Variants in PITPNA observed in about 807,000 individuals in gnomAD.
PITPNA encodes the protein phosphatidylinositol transfer protein alpha.
In PITPNA, 13 loss-of-function variants were observed where a neutral mutation model predicts 50.3. The ratio of observed to expected loss-of-function variants is 0.26; its 90% CI spans 0.17 to 0.41. PITPNA has a LOEUF of 0.41. Ranked by LOEUF, PITPNA falls within the 10% of genes least tolerant of loss-of-function variation. The pLI is 1.00. For missense variants in PITPNA, 207 were observed against 333.4 expected, an observed-to-expected ratio of 0.62 and a Z score of 2.95; for synonymous variants, 120 against 119.6, an observed-to-expected ratio of 1.00 and a Z score of -0.02.
chr17:1,553,226 G>C, intron 2 of PITPNA, 77 bp from the exon 3 acceptor site: 3 of 1,494,178 alleles, frequency 2.0e-6, no homozygotes, highest in Non-Finnish European at 2.8e-6. Flanking sequence ...GCCAGTAAGT[G>C]TCTAACTGGA....
At chr17:1,529,117 G>A (rs1325997456) in intron 10 of PITPNA, among the ~76,000 whole-genome samples, 6 of 132,878 alleles carry the variant, frequency 4.5e-5, no homozygotes, top group African/African-American at 1.7e-4. Context: ...CAGCCTGGGC[G>A]ACAGAGCAAG....
chr17:1,543,155 C>T (rs751599134), intron 4 of PITPNA, 128 bp from the exon 5 acceptor site: 19 of 660,142 alleles, frequency 2.9e-5, no homozygotes, highest in East Asian at 2.4e-4. Context: ...GCTTATTCCA[C>T]GGTCACCTCC....
intron 4 of PITPNA, among the ~76,000 whole-genome samples, chr17:1,547,248 C>A (rs1040607515): frequency 6.6e-6 from 1 of 150,618 alleles, no homozygotes; most frequent in Non-Finnish European, 1.5e-5. Context: ...TGCCTATAGT[C>A]CCAGGTATTT....
chr17:1,529,309 G>A (rs935706703), intron 10 of PITPNA, among the ~76,000 whole-genome samples: 73 of 151,952 alleles, frequency 4.8e-4, no homozygotes, highest in African/African-American at 1.7e-3. Flanking sequence ...CATTGCCTGA[G>A]CTCAGGAGTT....
At chr17:1,532,858 G>C (rs542227413) in intron 10 of PITPNA, among the ~76,000 whole-genome samples, 1 of 152,332 alleles carries the variant, frequency 6.6e-6, no homozygotes, top group South Asian at 2.1e-4. Context: ...CAAAACATCT[G>C]TCTTCAAGAG....
chr17:1,535,643 T>C (rs745364288), intron 7 of PITPNA, 125 bp from the exon 8 acceptor site: 37 of 701,612 alleles, frequency 5.3e-5, no homozygotes, highest in Admixed American at 1.0e-4. Flanking sequence ...AAAGCAAATA[T>C]GGGAAAATGT....
intron 4 of PITPNA, among the ~76,000 whole-genome samples, chr17:1,544,063 G>A (rs1018068818): frequency 6.6e-6 from 1 of 152,202 alleles, no homozygotes; most frequent in Non-Finnish European, 1.5e-5. Flanking sequence ...GGATGGCCTG[G>A]TCTGATGACA....
intron 10 of PITPNA, among the ~76,000 whole-genome samples, chr17:1,532,510 G>A (rs1047716509): frequency 2.0e-5 from 3 of 152,182 alleles, no homozygotes; most frequent in Non-Finnish European, 2.9e-5. Flanking sequence ...CTAGCTCCAA[G>A]AATTTGAGTT....
At chr17:1,523,505 C>CTTTTT (rs11401118) in intron 10 of PITPNA, among the ~76,000 whole-genome samples, 5 of 117,394 alleles carry the variant, frequency 4.3e-5, no homozygotes, top group African/African-American at 9.7e-5. Context: ...CCACGCCTGG[C>CTTTTT]TTTTTTTTTT....
At chr17:1,522,363 G>A (rs2075520165) in intron 10 of PITPNA, among the ~76,000 whole-genome samples, 1 of 150,870 alleles carries the variant, frequency 6.6e-6, no homozygotes, top group Non-Finnish European at 1.5e-5. Context: ...GAGCCACCGC[G>A]CCTGGCCGAA....
intron 6 of PITPNA, among the ~76,000 whole-genome samples, chr17:1,540,783 C>T (rs564280749): frequency 1.9e-4 from 29 of 152,312 alleles, no homozygotes; most frequent in African/African-American, 7.0e-4. Context: ...GACAGGGTTT[C>T]ACCGTGTTAG....
intron 5 of PITPNA, 185 bp from the exon 6 acceptor site, chr17:1,541,825 C>A (rs1339880639): frequency 4.3e-6 from 3 of 691,024 alleles, no homozygotes; most frequent in Non-Finnish European, 8.1e-6. Context: ...CCCATTCAAT[C>A]CTCACCCCAG....
At chr17:1,533,823 C>T (rs1274661951) in intron 10 of PITPNA, among the ~76,000 whole-genome samples, 1 of 152,132 alleles carries the variant, frequency 6.6e-6, no homozygotes, top group Non-Finnish European at 1.5e-5. Flanking sequence ...TCTGAAGCAT[C>T]GCTGTAGCAG....
Position 1,534,224 on chromosome 17 carries a change from A to G in PITPNA, c.646-3T>C, listed in dbSNP as rs982932949. On this transcript the variant is annotated splice_region_variant and splice_polypyrimidine_tract_variant and intron_variant, in intron 9 of 11. Coordinates refer to ENST00000313486, the MANE Select transcript of PITPNA (RefSeq NM_006224.4). ...TTTGTAAACAGACGCCTCTCTTGCT[A>G]TAGAAAGGAGGGAACCACGTTAGAA... The G allele has an allele frequency of 6.2e-7, 1 of 1,613,648 alleles. No homozygotes were observed. The highest frequency in any genetic ancestry group is 8.5e-7 in the Non-Finnish European group (1 of 1,179,708).
chr17:1,560,412 C>G (rs2075762210), intron 1 of PITPNA, among the ~76,000 whole-genome samples: 1 of 152,222 alleles, frequency 6.6e-6, no homozygotes, highest in African/African-American at 2.4e-5. Context: ...TGCTCCTCCC[C>G]CGTCCCCCGC....
At position 1,558,505 on chromosome 17, in the gene PITPNA, G is replaced by A. The variant is rs762453321; in HGVS notation, c.51+24C>T. ...GTCACAAACAGTTACACACAACTAT[G>A]GACCAGAAAGTAAAAGGACTTACCT... is the stretch of plus-strand genomic sequence containing the variant. On this transcript the variant is annotated intron_variant, in intron 2 of 11. Transcript: ENST00000313486. 18 of 1,532,968 alleles carry A rather than the reference G, an allele frequency of 1.2e-5. 1 individual carries two copies. In the South Asian group the frequency reaches 2.0e-4, roughly 17 times the overall value. The allele number at this position is 1,532,968 out of a possible 1,614,324, so 95.0% of individuals were successfully genotyped here.
In PITPNA at chr17:1,521,316, C is replaced by T. The variant is rs915057311; in HGVS notation, c.*22+263G>A. Among the ~76,000 whole-genome samples, 6 of 152,016 alleles carry T rather than the reference C, an allele frequency of 3.9e-5. No homozygotes were observed. In the East Asian group the frequency reaches 7.7e-4, roughly 20 times the overall value. On this transcript the variant is annotated intron_variant, in intron 11 of 11. Coordinates refer to ENST00000313486, the MANE Select transcript of PITPNA (RefSeq NM_006224.4). ...AAGCTGGCAGACAGGAGGAGTGATTCGCAGCAGATGAACTCCCCTTCTATA... is the reference window on the plus strand; with the variant it reads ...AAGCTGGCAGACAGGAGGAGTGATTTGCAGCAGATGAACTCCCCTTCTATA...
Position 1,536,511 on chromosome 17 carries a change from G to C in PITPNA, c.457-993C>G, listed in dbSNP as rs540792724. ...TCACCGTGTTAGCCAGGATGGTCTC[G>C]ATCTCCTGACCTCGTGATCCGCCCA... On this transcript the variant is annotated intron_variant, in intron 7 of 11. Coordinates refer to ENST00000313486, the MANE Select transcript of PITPNA (RefSeq NM_006224.4). Among the ~76,000 whole-genome samples, 174 of 151,652 alleles carry C rather than the reference G, an allele frequency of 1.1e-3. No individual in the cohort carries two copies. The East Asian group carries it at 0.015, about 13-fold the overall frequency.
intron 10 of PITPNA, among the ~76,000 whole-genome samples, chr17:1,529,390 C>G (rs73296912): frequency 0.1 from 15,680 of 151,508 alleles, 926 homozygotes; most frequent in East Asian, 0.14. Context: ...CGTGTAGTGG[C>G]GGGCGCCTCT....
Sources: gnomAD v4.1 joint callset for allele counts (sites outside exome capture counted in the v4.1 genomes callset) on GRCh38, gnomAD v4.1.1 for gene constraint, MANE v1.5 for transcripts, NCBI Gene and HGNC (gene_info 2026-07-23, HGNC 2026-07-21) for gene names.